Variants in ROBO2 observed in about 807,000 individuals in gnomAD.
ROBO2 encodes the protein roundabout guidance receptor 2.
In ROBO2, 53 loss-of-function variants were observed where a neutral mutation model predicts 160.8. The observed-to-expected ratio is 0.33, with a 90% CI of 0.26 to 0.41. The LOEUF (loss-of-function observed/expected upper bound fraction) is 0.41. ROBO2 is among the 10% of genes least tolerant of loss of function. ROBO2 has a pLI of 1.00. For missense variants in ROBO2, 1,577 were observed against 1,722.4 expected (o/e 0.92, Z 1.49); for synonymous variants, 664 against 611.7 (o/e 1.09, Z -1.26).
intron 2 of ROBO2, among the ~76,000 whole-genome samples, chr3:76,798,013 T>C (rs1021658179): frequency 1.1e-4 from 17 of 150,568 alleles, no homozygotes; most frequent in African/African-American, 3.2e-4. Context: ...CCCAAATTAT[T>C]CCAAAAAGTA....
At chr3:77,410,528 T>TTCC (rs1165668720) in intron 2 of ROBO2, among the ~76,000 whole-genome samples, 2 of 125,162 alleles carry the variant, frequency 1.6e-5, no homozygotes, top group Non-Finnish European at 3.5e-5. Flanking sequence ...CCTCCTCCTC[T>TTCC]TCCTCCTCCT....
chr3:77,550,238 G>A (rs1442931656), intron 7 of ROBO2, among the ~76,000 whole-genome samples: 1 of 151,884 alleles, frequency 6.6e-6, no homozygotes, highest in Admixed American at 6.6e-5. Context: ...TGCTTAAATT[G>A]TAGCATTTGT....
chr3:77,602,827 A>G, intron 20 of ROBO2: 1 of 469,086 alleles, frequency 2.1e-6, no homozygotes. Context: ...ACATTCCTCC[A>G]CTCTCCCACA....
At chr3:76,949,983 C>A (rs1450401500) in intron 2 of ROBO2, among the ~76,000 whole-genome samples, 1 of 152,218 alleles carries the variant, frequency 6.6e-6, no homozygotes, top group African/African-American at 2.4e-5. Context: ...TTAGCTGAAC[C>A]TATTCTCTTT....
intron 2 of ROBO2, among the ~76,000 whole-genome samples, chr3:77,104,776 G>T (rs1156808789): frequency 6.6e-6 from 1 of 152,112 alleles, no homozygotes; most frequent in East Asian, 1.9e-4. Flanking sequence ...ATTATTATGT[G>T]ACTGTTATGT....
intron 12 of ROBO2, 126 bp downstream of exon 13, chr3:77,565,246 T>C: frequency 9.1e-7 from 1 of 1,099,856 alleles, no homozygotes; most frequent in Non-Finnish European, 1.4e-6. Flanking sequence ...CTAGGCTTTA[T>C]CCAGGGAAGG....
At chr3:76,396,732 A>G (rs2077475528) in intron 2 of ROBO2, among the ~76,000 whole-genome samples, 2 of 152,182 alleles carry the variant, frequency 1.3e-5, no homozygotes, top group Non-Finnish European at 2.9e-5. Context: ...AATTGCTTCA[A>G]AGAGAATAAA....
intron 1 of ROBO2, among the ~76,000 whole-genome samples, chr3:77,096,324 A>G (rs1289982331): frequency 6.6e-6 from 1 of 152,228 alleles, no homozygotes; most frequent in Non-Finnish European, 1.5e-5. Flanking sequence ...CAGCTGGTAG[A>G]ACATTTTCAT....
intron 2 of ROBO2, among the ~76,000 whole-genome samples, chr3:76,686,806 A>G (rs1460994812): frequency 6.6e-6 from 1 of 152,136 alleles, no homozygotes; most frequent in East Asian, 1.9e-4. Flanking sequence ...AAAAAGAAAA[A>G]GAAAAAAAAG....
At chr3:76,067,446 T>C (rs2068290675) in intron 2 of ROBO2, among the ~76,000 whole-genome samples, 2 of 152,134 alleles carry the variant, frequency 1.3e-5, no homozygotes, top group African/African-American at 4.8e-5. Flanking sequence ...ACAGAATTCC[T>C]GTGATTCACT....
intron 2 of ROBO2, among the ~76,000 whole-genome samples, chr3:77,333,413 G>T (rs2066177421): frequency 6.6e-6 from 1 of 152,200 alleles, no homozygotes; most frequent in East Asian, 1.9e-4. Context: ...TTATTAGATT[G>T]ATTAGAACAG....
At chr3:75,975,760 G>A (rs1487389661) in intron 2 of ROBO2, among the ~76,000 whole-genome samples, 3 of 151,586 alleles carry the variant, frequency 2.0e-5, no homozygotes, top group Non-Finnish European at 4.4e-5. Context: ...AAGATTATGT[G>A]TGTATCTGTG....
At chr3:77,097,902 A>G in intron 1 of ROBO2, 112 bp from the exon 2 acceptor site, 1 of 939,852 alleles carries the variant, frequency 1.1e-6, no homozygotes. Flanking sequence ...ACATAAAATA[A>G]TGTTCAGTTG....
At chr3:76,214,539 C>G (rs1703366987) in intron 2 of ROBO2, among the ~76,000 whole-genome samples, 1 of 152,182 alleles carries the variant, frequency 6.6e-6, no homozygotes, top group Non-Finnish European at 1.5e-5. Flanking sequence ...TTGGAGGGTC[C>G]TAAGCCCATG....
chr3:77,526,553 G>A (rs1360546314), intron 6 of ROBO2, among the ~76,000 whole-genome samples: 1 of 151,436 alleles, frequency 6.6e-6, no homozygotes, highest in Non-Finnish European at 1.5e-5. Flanking sequence ...TGTATAAAAT[G>A]GTTTACCGTC....
chr3:76,358,196 A>G (rs1003430688), intron 2 of ROBO2, among the ~76,000 whole-genome samples: 2 of 151,968 alleles, frequency 1.3e-5, no homozygotes, highest in Non-Finnish European at 2.9e-5. Context: ...TGACTGTGTA[A>G]GAGTCCCCTT....
At chr3:76,390,159 A>C (rs1376710366) in intron 2 of ROBO2, among the ~76,000 whole-genome samples, 2 of 152,178 alleles carry the variant, frequency 1.3e-5, no homozygotes, top group African/African-American at 4.8e-5. Flanking sequence ...ACCTCTGTTC[A>C]AAACATTAAA....
chr3:76,439,546 G>C (rs558803255), intron 2 of ROBO2, among the ~76,000 whole-genome samples: 1 of 152,228 alleles, frequency 6.6e-6, no homozygotes, highest in Non-Finnish European at 1.5e-5. Context: ...CGATCTCCAG[G>C]CAGAGAAGCA....
chr3:76,152,443 G>T (rs900866723), intron 2 of ROBO2, among the ~76,000 whole-genome samples: 14 of 152,076 alleles, frequency 9.2e-5, no homozygotes, highest in African/African-American at 3.4e-4. Context: ...ATATGAACTA[G>T]TAAATCTTTC....
Sources: allele counts gnomAD v4.1 joint callset (sites outside exome capture counted in the v4.1 genomes callset), GRCh38; gene constraint gnomAD v4.1.1; transcripts MANE v1.5; gene names NCBI Gene and HGNC (gene_info 2026-07-23, HGNC 2026-07-21).